C7orf33: variants seen among roughly 807,000 people sequenced by gnomAD.
C7orf33 encodes the protein uncharacterized protein C7orf33.
Under a neutral mutation model 13.4 loss-of-function variants are expected in C7orf33, and 15 were observed. The ratio of observed to expected loss-of-function variants is 1.12; its 90% confidence interval spans 0.75 to 1.72. The LOEUF (loss-of-function observed/expected upper bound fraction) is 1.72. C7orf33 is among the 40% of genes most tolerant of loss of function. The pLI, the probability that C7orf33 is intolerant of heterozygous loss-of-function variation, is 0.00. For missense variants in C7orf33, 187 were observed against 220.3 expected, an observed-to-expected ratio of 0.85 and a Z score of 0.96; for synonymous variants, 73 against 83.2, an observed-to-expected ratio of 0.88 and a Z score of 0.67.
intron 1 of C7orf33, among the ~76,000 whole-genome samples, chr7:148,596,240 T>A (rs2116889257): frequency 6.6e-6 from 1 of 152,148 alleles, no homozygotes; most frequent in East Asian, 1.9e-4. Flanking sequence ...ACAACCTCCC[T>A]CCCTATCAAC....
At position 148,591,059 on chromosome 7, in the gene C7orf33, T is replaced by C. The variant is rs778398385; in HGVS notation, c.134T>C (p.Val45Ala). 3.7e-6 allele frequency: 6 copies of C among 1,613,974 alleles called. No homozygotes were observed. Among genetic ancestry groups the C allele is most frequent in the Non-Finnish European group, 4.2e-6 (5 of 1,180,024 alleles). The change falls in exon 1 of 3, where the codon GTC becomes GCC. Residue 45 changes from valine to alanine, a missense_variant. Physicochemically the swap from Val to Ala is moderately conservative, Grantham distance 64. Coordinates refer to ENST00000307003, the MANE Select transcript of C7orf33 (RefSeq NM_145304.4). Reference protein sequence around the residue: ...RIDLRLSGRAVAVWVHVRGGP... With the variant: ...RIDLRLSGRAAAVWVHVRGGP... ...GACCTTCGCCTGAGTGGGAGGGCAGTCGCTGTTTGGGTCCACGTTAGGGGC... is the reference window on the plus strand; with the variant it reads ...GACCTTCGCCTGAGTGGGAGGGCAGCCGCTGTTTGGGTCCACGTTAGGGGC...
At position 148,604,493 on chromosome 7, in the gene C7orf33, C is replaced by T. The variant is rs113127100; in HGVS notation, c.205-9549C>T. ...ACCAAACATCATATGTTCTCACTTA[C>T]AAGTGGGAGCTAAACTATGAGGATG... On this transcript the variant is annotated intron_variant, in intron 1 of 2. Coordinates refer to ENST00000307003, the MANE Select transcript of C7orf33 (RefSeq NM_145304.4). Among the ~76,000 whole-genome samples, 1,335 of 152,248 alleles carry T rather than the reference C, an allele frequency of 8.8e-3. 17 individuals carry two copies. Among genetic ancestry groups the T allele is most frequent in the African/African-American group, 0.031 (1,274 of 41,538 alleles).
In C7orf33 at chr7:148,615,592, G is replaced by T; in HGVS notation, c.*191G>T. ...CTTTGATCATGAGCCCAAGTTCCACGTGTACCTGCAGGAATCTGTGTGGCA... is the reference window on the plus strand; with the variant it reads ...CTTTGATCATGAGCCCAAGTTCCACTTGTACCTGCAGGAATCTGTGTGGCA... On this transcript the variant is annotated 3_prime_UTR_variant, in exon 3 of 3. Coordinates refer to ENST00000307003, the MANE Select transcript of C7orf33 (RefSeq NM_145304.4). The T allele has an allele frequency of 8.1e-6, 4 of 492,500 alleles. No individual in the cohort carries two copies. Among genetic ancestry groups the T allele is most frequent in the Non-Finnish European group, 1.5e-5 (4 of 269,466 alleles). 30.5% of individuals were successfully genotyped at this position (492,500 alleles called of 1,614,324 possible).
chr7:148,601,027 C>T (rs1306126493), intron 1 of C7orf33, among the ~76,000 whole-genome samples: 1 of 152,082 alleles, frequency 6.6e-6, no homozygotes, highest in Non-Finnish European at 1.5e-5. Flanking sequence ...TGGTCTCGAT[C>T]TCCTGACCTC....
At chr7:148,596,736 G>C (rs1796343994) in intron 1 of C7orf33, among the ~76,000 whole-genome samples, 1 of 151,892 alleles carries the variant, frequency 6.6e-6, no homozygotes, top group South Asian at 2.1e-4. Flanking sequence ...GATTTGGGTG[G>C]GGACACAACC....
chr7:148,605,335 C>T (rs1796460900), intron 1 of C7orf33, among the ~76,000 whole-genome samples: 1 of 152,212 alleles, frequency 6.6e-6, no homozygotes, highest in Non-Finnish European at 1.5e-5. Flanking sequence ...CCATTGGTGT[C>T]TCAGCTCCAA....
intron 1 of C7orf33, among the ~76,000 whole-genome samples, chr7:148,605,920 C>G (rs1205590447): frequency 6.6e-6 from 1 of 152,208 alleles, no homozygotes; most frequent in Non-Finnish European, 1.5e-5. Context: ...CCTGACTACA[C>G]TGGTGAACTT....
chr7:148,600,110 T>C (rs553163079), intron 1 of C7orf33, among the ~76,000 whole-genome samples: 2 of 119,420 alleles, frequency 1.7e-5, no homozygotes, highest in Admixed American at 7.7e-5. Context: ...CAGCCTCTTG[T>C]CTCTGGGTAC....
intron 1 of C7orf33, among the ~76,000 whole-genome samples, chr7:148,611,590 C>T (rs1402310537): frequency 6.6e-6 from 1 of 152,172 alleles, no homozygotes; most frequent in Non-Finnish European, 1.5e-5. Flanking sequence ...TCAATAAAAA[C>T]TTGCACTTAT....
chr7:148,615,054 T>A (rs1484576750), intron 2 of C7orf33, among the ~76,000 whole-genome samples: 1 of 152,206 alleles, frequency 6.6e-6, no homozygotes, highest in Non-Finnish European at 1.5e-5. Flanking sequence ...TAATACTTTT[T>A]AAAATTTTTA....
chr7:148,606,337 A>C (rs746035381), intron 1 of C7orf33, among the ~76,000 whole-genome samples: 1 of 152,238 alleles, frequency 6.6e-6, no homozygotes, highest in Non-Finnish European at 1.5e-5. Flanking sequence ...TCTCAACATT[A>C]GAATTTATCA....
Position 148,615,422 on chromosome 7 carries a change from G to C in C7orf33, c.*21G>C. On this transcript the variant is annotated 3_prime_UTR_variant, in exon 3 of 3. Coordinates refer to ENST00000307003, the MANE Select transcript of C7orf33 (RefSeq NM_145304.4). The stretch of plus-strand genomic sequence containing the variant: ...GTTAAGAATTTTGCAGAATCTAAGA[G>C]TCACATCTCTAAATTTGTGTAGATT... 1 of 1,472,446 alleles carries C rather than the reference G, an allele frequency of 6.8e-7. No homozygotes were observed. The highest frequency in any genetic ancestry group is 1.1e-5 in the South Asian group (1 of 88,196). The allele number at this position is 1,472,446 out of a possible 1,614,324, so 91.2% of individuals were successfully genotyped here.
At chr7:148,595,736 T>C (rs1318542097) in intron 1 of C7orf33, among the ~76,000 whole-genome samples, 1 of 139,416 alleles carries the variant, frequency 7.2e-6, no homozygotes, top group Non-Finnish European at 1.5e-5. Flanking sequence ...TATACATCTA[T>C]GTTATATAGA....
At chr7:148,591,564 C>T (rs1382478798) in intron 1 of C7orf33, among the ~76,000 whole-genome samples, 3 of 152,068 alleles carry the variant, frequency 2.0e-5, no homozygotes, top group African/African-American at 4.8e-5. Context: ...TCTCTTCTCT[C>T]GCTTTAAAGA....
intron 1 of C7orf33, among the ~76,000 whole-genome samples, chr7:148,596,259 C>T (rs554355841): frequency 6.6e-5 from 10 of 152,282 alleles, no homozygotes; most frequent in African/African-American, 1.9e-4. Flanking sequence ...ACTTCCCCCA[C>T]CAGAATGGTG....
intron 1 of C7orf33, among the ~76,000 whole-genome samples, chr7:148,597,880 C>T (rs1192969247): frequency 1.3e-5 from 2 of 152,076 alleles, no homozygotes; most frequent in African/African-American, 2.4e-5. Context: ...CTTAGCCTCC[C>T]GAGTAGCTGG....
At chr7:148,605,780 A>G (rs1370963362) in intron 1 of C7orf33, among the ~76,000 whole-genome samples, 3 of 152,166 alleles carry the variant, frequency 2.0e-5, no homozygotes, top group Non-Finnish European at 2.9e-5. Flanking sequence ...TGCTACCTCT[A>G]TGAGACCTTA....
rs533736703 is a variant in C7orf33, at chr7:148,590,982, C to T, written c.57C>T (p.Gly19=). The part of the protein sequence containing the change: ...SLEECPWRLP[G]PQCECEALLP... ...AAGAGTGTCCCTGGAGACTTCCAGG[C>T]CCCCAATGTGAATGTGAAGCCCTCC... Residue 19 remains glycine (G), a synonymous_variant, in exon 1 of 3, where the codon GGC becomes GGT. Transcript: ENST00000307003. 1.2e-6 allele frequency: 2 copies of T among 1,614,170 alleles called. No homozygotes were observed. Among genetic ancestry groups the T allele is most frequent in the South Asian group, 2.2e-5 (2 of 91,074 alleles).
rs548105850 is a variant in C7orf33, at chr7:148,590,794, G to C, written c.-132G>C. The C allele has an allele frequency of 1.2e-6, 1 of 808,428 alleles. No individual in the cohort carries two copies. The highest frequency in any genetic ancestry group is 1.7e-5 in the African/African-American group (1 of 58,740). The allele number at this position is 808,428 out of a possible 1,614,324, so 50.1% of individuals were successfully genotyped here. ...TATGGTGATGCCAATCCAGTGGTCA[G>C]GAGCGAGGCGCCCAGCCTGTGTCTG... On this transcript the variant is annotated 5_prime_UTR_variant, in exon 1 of 3. Coordinates refer to ENST00000307003, the MANE Select transcript of C7orf33 (RefSeq NM_145304.4).
Sources: allele counts gnomAD v4.1 joint callset (sites outside exome capture counted in the v4.1 genomes callset), GRCh38; gene constraint gnomAD v4.1.1; transcripts MANE v1.5; gene names NCBI Gene and HGNC (gene_info 2026-07-23, HGNC 2026-07-21).